Variants in LLGL1 observed in about 807,000 individuals in gnomAD.
The protein encoded by LLGL1 is LLGL scribble cell polarity complex component 1, also known as lethal(2) giant larvae protein homolog 1.
In LLGL1, 58 loss-of-function variants were observed where a neutral mutation model predicts 110.6. The ratio of observed to expected loss-of-function variants is 0.52; its 90% CI spans 0.42 to 0.65. The LOEUF (loss-of-function observed/expected upper bound fraction) is 0.65, where lower values mean the gene tolerates loss of function less well. Among genes scored for constraint, LLGL1 ranks in the 30% least tolerant of loss-of-function variants. LLGL1 has a pLI of 0.00. For missense variants in LLGL1, 1,229 were observed against 1,462.1 expected, an observed-to-expected ratio of 0.84 and a Z score of 2.60; for synonymous variants, 674 against 607.2, an observed-to-expected ratio of 1.11 and a Z score of -1.62.
At position 18,233,969 on chromosome 17, in the gene LLGL1, G is replaced by A. The variant is rs370834449; in HGVS notation, c.551+33G>A. 4 of 1,598,832 alleles carry A rather than the reference G, an allele frequency of 2.5e-6. No individual in the cohort carries two copies. In the African/African-American group the frequency reaches 4.0e-5, roughly 16 times the overall value. ...GCCGGTGGGCTTCCCAGCACCCACT[G>A]TGTGCCCGGGAAGTTCTGCTGGCTC... On this transcript the variant is annotated intron_variant, in intron 5 of 22. Transcript: ENST00000316843.
rs1479734964 is a variant in LLGL1 at position 18,232,709 on chromosome 17, A to G, written c.299A>G (p.His100Arg). Residue 100 changes from histidine (H) to arginine (R), a missense_variant, in exon 4 of 23, where the codon CAT becomes CGT. His to Arg is a conservative substitution (Grantham distance 29). Transcript: ENST00000316843. ...LLSLLDDSSL[H>R]LWEIVHHNGC... Reference sequence around the variant, plus strand: ...TCCCTGCTTGATGACAGCAGTCTGCATCTCTGGGAGATTGTCCACCATAAT... The same window carrying G: ...TCCCTGCTTGATGACAGCAGTCTGCGTCTCTGGGAGATTGTCCACCATAAT... 2 of 1,614,178 alleles carry G rather than the reference A, an allele frequency of 1.2e-6. No individual in the cohort carries two copies. The highest frequency in any genetic ancestry group is 1.7e-6 in the Non-Finnish European group (2 of 1,180,036).
In LLGL1 at chr17:18,240,481, A is replaced by G. The variant is rs1286843672; in HGVS notation, c.2207-97A>G. 1 of 1,373,204 alleles carries G rather than the reference A, an allele frequency of 7.3e-7. No homozygotes were observed. The highest frequency in any genetic ancestry group is 9.8e-7 in the Non-Finnish European group (1 of 1,020,204). The allele number at this position is 1,373,204 out of a possible 1,614,324, so 85.1% of individuals were successfully genotyped here. A position where few individuals can be genotyped will look rare whatever the true frequency, so the allele number is the denominator to read the frequency against. ...GGTGTCATAGTTAGGAAGCAGGGCTACAAGAGAGGCAGGGAGGGACCTGCA... is the reference window on the plus strand; with the variant it reads ...GGTGTCATAGTTAGGAAGCAGGGCTGCAAGAGAGGCAGGGAGGGACCTGCA... On this transcript the variant is annotated intron_variant, in intron 16 of 22. Transcript: ENST00000316843. This position sits in a 1 kb window ranked among gnomAD's most constrained non-coding sequence, Gnocchi z 5.3.
At position 18,242,416 on chromosome 17, in the gene LLGL1, C is replaced by T. The variant is rs1215475895; in HGVS notation, c.2996-92C>T. 1.1e-5 allele frequency: 17 copies of T among 1,581,294 alleles called. No homozygotes were observed. In the South Asian group the frequency reaches 1.6e-4, roughly 15 times the overall value. ...GTGTGCTCACTGGTGCCACCCCTCA[C>T]CATGGGCTGCCTTATGGGTCTGTGT... On this transcript the variant is annotated intron_variant, in intron 20 of 22. Coordinates refer to ENST00000316843, the MANE Select transcript of LLGL1 (RefSeq NM_004140.4).
chr17:18,235,343 G>T lies in LLGL1; in HGVS notation c.1284+31G>T, dbSNP rs550809141. On this transcript the variant is annotated intron_variant, in intron 10 of 22. Transcript: ENST00000316843. ...TGCGGCGATCAGGGGGGTCTTACAG[G>T]GTGGAGTCTTGAGGAGGGGGAGAGT... The T allele has an allele frequency of 2.3e-4, 375 of 1,607,950 alleles. 6 individuals are homozygous for T. In the Middle Eastern group the frequency reaches 3.1e-3, roughly 13 times the overall value.
chr17:18,240,152 A>G lies in LLGL1; in HGVS notation c.2207-426A>G, dbSNP rs2047794812. Among the ~76,000 whole-genome samples, 1 of 152,106 alleles carries G rather than the reference A, an allele frequency of 6.6e-6. No homozygotes were observed. Among genetic ancestry groups the G allele is most frequent in the Non-Finnish European group, 1.5e-5 (1 of 68,008 alleles). Reference sequence around the variant, plus strand: ...ACAAGGCACACCTGTCGACAGGACTAGCAAGGGGACGCAGGGGTGGAGAGA... The same window carrying G: ...ACAAGGCACACCTGTCGACAGGACTGGCAAGGGGACGCAGGGGTGGAGAGA... On this transcript the variant is annotated intron_variant, in intron 16 of 22. Transcript: ENST00000316843. This position sits in a 1 kb window ranked among gnomAD's most constrained non-coding sequence, Gnocchi z 5.3.
Position 18,234,156 on chromosome 17 carries a change from A to C in LLGL1, c.695A>C (p.His232Pro). The C allele has an allele frequency of 6.2e-7, 1 of 1,603,858 alleles. No homozygotes were observed. Among genetic ancestry groups the C allele is most frequent in the Non-Finnish European group, 8.5e-7 (1 of 1,173,136 alleles). The change falls in exon 6 of 23, where the codon CAC becomes CCC. Residue 232 changes from histidine (H) to proline (P), a missense_variant. Physicochemically the swap from His to Pro is moderately conservative, Grantham distance 77. Transcript: ENST00000316843. Reference protein sequence around the residue: ...IWNQASQCVDHIFLGNQQLES... With the variant: ...IWNQASQCVDPIFLGNQQLES... ...AACCAGGCCTCGCAGTGTGTGGACC[A>C]CATCTTCCTGGGGAACCAGGTATGT... is the stretch of plus-strand genomic sequence containing the variant.
chr17:18,240,876 G>A lies in LLGL1; in HGVS notation c.2502+3G>A, dbSNP rs891537962. 6.6e-7 allele frequency: 1 copy of A among 1,516,778 alleles called. No individual in the cohort carries two copies. Among genetic ancestry groups the A allele is most frequent in the African/African-American group, 1.4e-5 (1 of 72,654 alleles). 94.0% of individuals were successfully genotyped at this position (1,516,778 alleles called of 1,614,324 possible). On this transcript the variant is annotated splice_donor_region_variant and intron_variant, in intron 17 of 22. Transcript: ENST00000316843. This position sits in a 1 kb window ranked among gnomAD's most constrained non-coding sequence, Gnocchi z 5.3. ...TCGCATCTGAGGAGCAGTTCAAGGT[G>A]AGCCACTGTGGGCTGTGGGGGACTC...
intron 16 of LLGL1, among the ~76,000 whole-genome samples, chr17:18,239,594 T>C (rs2047777664): frequency 6.6e-6 from 1 of 152,122 alleles, no homozygotes; most frequent in Admixed American, 6.5e-5. Flanking sequence ...CAGCCACTGC[T>C]CACATCATGC....
chr17:18,242,755 G>A lies in LLGL1; in HGVS notation c.3129G>A (p.Glu1043=), dbSNP rs958205493. ...CCCCATCTCGCAGCTCCTCTGAGGA[G>A]TCAGAGAAGAACCTGAGGAACCTGG... The part of the protein sequence containing the change: ...DVKDFLGSSE[E]SEKNLRNLAE... Residue 1043 remains glutamate (E), a synonymous_variant, in exon 22 of 23, where the codon GAG becomes GAA. Transcript: ENST00000316843. The A allele has an allele frequency of 4.5e-6, 7 of 1,569,370 alleles. No individual in the cohort carries two copies. The African/African-American group carries it at 9.4e-5, about 21-fold the overall frequency.
chr17:18,228,730 C>T (rs2047506434), intron 1 of LLGL1, among the ~76,000 whole-genome samples: 1 of 152,138 alleles, frequency 6.6e-6, no homozygotes, highest in African/African-American at 2.4e-5. Context: ...TCAGGTGCAG[C>T]AAGGGCGTGG....
Position 18,242,205 on chromosome 17 carries a change from C to T in LLGL1, c.2922C>T (p.Asn974=), listed in dbSNP as rs141382094. The T allele has an allele frequency of 1.3e-3, 2,163 of 1,614,064 alleles. 2 individuals carry two copies. The highest frequency in any genetic ancestry group is 1.7e-3 in the Non-Finnish European group (2,026 of 1,179,974). Residue 974 remains asparagine (N), a synonymous_variant, in exon 20 of 23, where the codon AAC becomes AAT. Transcript: ENST00000316843. The part of the protein sequence containing the change: ...IRESPKLSQA[N]GTPSILLAPQ... The stretch of plus-strand genomic sequence containing the variant: ...AGTCACCCAAGCTGAGCCAGGCTAA[C>T]GGGACCCCAAGCATCCTGCTGGCCC...
intron 20 of LLGL1, 73 bp downstream of exon 20, chr17:18,242,351 G>T: frequency 6.4e-7 from 1 of 1,551,526 alleles, no homozygotes; most frequent in Non-Finnish European, 8.9e-7. Context: ...GACTCACATA[G>T]CTCAGGGATC....
chr17:18,237,153 G>A (rs1176817374), intron 13 of LLGL1: 2 of 600,614 alleles, frequency 3.3e-6, no homozygotes, highest in Non-Finnish European at 5.9e-6. Flanking sequence ...TCATGTCAGT[G>A]CTGTGCTCCG....
intron 2 of LLGL1, among the ~76,000 whole-genome samples, chr17:18,231,056 C>T (rs564549700): frequency 6.6e-6 from 1 of 152,322 alleles, no homozygotes; most frequent in East Asian, 1.9e-4. Context: ...TGTGTCCCTG[C>T]AGCCTTCAGG....
chr17:18,237,167 C>A, intron 13 of LLGL1: 1 of 598,618 alleles, frequency 1.7e-6, no homozygotes, highest in Non-Finnish European at 3.0e-6. Context: ...TGCTCCGGCA[C>A]TCACATGACA....
rs749246278 is a variant in LLGL1 at position 18,241,842 on chromosome 17, G to A, written c.2768-43G>A. On this transcript the variant is annotated intron_variant, in intron 18 of 22. Transcript: ENST00000316843. Reference sequence around the variant, plus strand: ...CCAGGCCACGGAGGAGCTGTGGTTGGTGGTATCTTCTAACTGCACTCCTCA... The same window carrying A: ...CCAGGCCACGGAGGAGCTGTGGTTGATGGTATCTTCTAACTGCACTCCTCA... The A allele has an allele frequency of 3.1e-6, 5 of 1,604,052 alleles. 1 individual carries two copies. The highest frequency in any genetic ancestry group is 4.3e-6 in the Non-Finnish European group (5 of 1,171,112).
intron 1 of LLGL1, among the ~76,000 whole-genome samples, chr17:18,227,769 C>T (rs936147806): frequency 6.6e-6 from 1 of 152,200 alleles, no homozygotes; most frequent in Non-Finnish European, 1.5e-5. Flanking sequence ...TCAGCCCACT[C>T]TGGCTAGCCT....
intron 1 of LLGL1, among the ~76,000 whole-genome samples, chr17:18,226,575 C>A (rs1019805295): frequency 6.6e-6 from 1 of 152,256 alleles, no homozygotes; most frequent in African/African-American, 2.4e-5. Flanking sequence ...CTGCACTTCG[C>A]ATCGTGGGGC....
In LLGL1 at chr17:18,234,077, C is replaced by T. The variant is rs774743121; in HGVS notation, c.616C>T (p.Arg206Trp). The T allele has an allele frequency of 1.6e-5, 25 of 1,610,948 alleles. No individual in the cohort carries two copies. The highest frequency in any genetic ancestry group is 1.9e-5 in the Non-Finnish European group (22 of 1,178,440). The change falls in exon 6 of 23, where the codon CGG (arginine) becomes TGG (tryptophan). Residue 206 changes from arginine (R) to tryptophan (W), a missense_variant. Coordinates refer to ENST00000316843, the MANE Select transcript of LLGL1 (RefSeq NM_004140.4). ...CGTGGAGTCACTCCAGGGACACCTGCGGGACCCCACAAAGATTCTCATTGG... is the reference window on the plus strand; with the variant it reads ...CGTGGAGTCACTCCAGGGACACCTGTGGGACCCCACAAAGATTCTCATTGG... ...GPVESLQGHL[R>W]DPTKILIGYS...
Sources: allele counts gnomAD v4.1 joint callset (sites outside exome capture counted in the v4.1 genomes callset), GRCh38; gene constraint gnomAD v4.1.1; non-coding constraint Gnocchi (gnomAD v3.1); transcripts MANE v1.5; gene names NCBI Gene and HGNC (gene_info 2026-07-23, HGNC 2026-07-21).